The following DNAH14 variants were observed in gnomAD, a reference collection of about 807,000 sequenced individuals.
DNAH14 encodes dynein axonemal heavy chain 14, also known as axonemal beta dynein heavy chain 14.
In DNAH14, 478 loss-of-function variants were observed where a neutral mutation model predicts 520.9. The observed-to-expected ratio is 0.92, with a 90% CI of 0.85 to 0.99. The LOEUF is 0.99. DNAH14 is among the 50% of genes least tolerant of loss of function. DNAH14 has a pLI of 0.00. For missense variants in DNAH14, 4,831 were observed against 5,234.5 expected (o/e 0.92, Z 2.38); for synonymous variants, 1,581 against 1,757.2 (o/e 0.90, Z 2.51).
At chr1:225,287,796 G>A (rs939177169) in intron 54 of DNAH14, among the ~76,000 whole-genome samples, 2 of 152,094 alleles carry the variant, frequency 1.3e-5, no homozygotes, top group African/African-American at 2.4e-5. Context: ...GAATCCTGTA[G>A]TGCTACAAGT....
chr1:225,084,712 C>T (rs1050195760), intron 20 of DNAH14, among the ~76,000 whole-genome samples: 1 of 149,246 alleles, frequency 6.7e-6, no homozygotes, highest in Non-Finnish European at 1.5e-5. Flanking sequence ...CAGCTGAAAC[C>T]ACCCAGCTAT....
chr1:225,079,140 AAG>A (rs1337992346), intron 17 of DNAH14, 65 bp from the exon 18 acceptor site: 8 of 1,349,786 alleles, frequency 5.9e-6, no homozygotes, highest in South Asian at 1.4e-5. Flanking sequence ...AGAAATTAAA[AAG>A]AGTAATTAGT....
At chr1:225,280,545 G>C (rs1325028845) in intron 54 of DNAH14, among the ~76,000 whole-genome samples, 1 of 151,862 alleles carries the variant, frequency 6.6e-6, no homozygotes, top group Admixed American at 6.6e-5. Context: ...CTTGCAGTGA[G>C]CCGAGATAGC....
At chr1:225,217,994 G>A (rs968291055) in intron 41 of DNAH14, among the ~76,000 whole-genome samples, 2 of 152,098 alleles carry the variant, frequency 1.3e-5, no homozygotes, top group African/African-American at 4.8e-5. Context: ...GACTATAGCT[G>A]TTCCTATTTG....
chr1:225,128,412 C>A (rs1412064336), intron 27 of DNAH14, among the ~76,000 whole-genome samples: 23 of 152,126 alleles, frequency 1.5e-4, no homozygotes, highest in Admixed American at 1.5e-3. Context: ...ATGCAAAAAT[C>A]CTCAATAAAA....
rs1360609712 is a variant in DNAH14, at chr1:225,392,427, C to T, written c.13467C>T (p.Leu4489=). The T allele has an allele frequency of 6.4e-7, 1 of 1,551,864 alleles. No homozygotes were observed. Among genetic ancestry groups the T allele is most frequent in the South Asian group, 1.2e-5 (1 of 84,062 alleles). The change falls in exon 84 of 86, where the codon CTC becomes CTT. Residue 4489 remains leucine (L), a synonymous_variant. Transcript: ENST00000682510. ...EKFSVFMPKK[L]NIVRRAFKGS... ...TCTCCGTATTTATGCCAAAGAAACT[C>T]AACATAGTCAGGAGAGCGTTTAAGG...
chr1:225,351,812 A>G lies in DNAH14; in HGVS notation c.11462A>G (p.Tyr3821Cys). ...ACTTTTAAGAACAGTAAAGCAGTTT[A>G]TTCTCTGATCAGCACACCTTTCTCT... is the stretch of plus-strand genomic sequence containing the variant. ...WDTFKNSKAV[Y>C]SLISTPFSSE... is the part of the protein sequence containing the mutation. The change falls in exon 72 of 86, where the codon TAT (tyrosine) becomes TGT (cysteine). Residue 3821 changes from tyrosine to cysteine, a missense_variant. By Grantham distance (194) the Tyr-to-Cys change is radical. Transcript: ENST00000682510. The G allele has an allele frequency of 6.4e-7, 1 of 1,551,380 alleles. No individual in the cohort carries two copies. The highest frequency in any genetic ancestry group is 2.0e-5 in the Admixed American group (1 of 50,982).
chr1:225,300,985 T>C lies in DNAH14; in HGVS notation c.8586T>C (p.Ser2862=). ...AMKIRYLTEQ[S]GHMDNRQSLL... is the part of the protein sequence containing the mutation. ...AAATCAGATATCTTACTGAACAATC[T>C]GGTCATATGGATAATAGGCAATCTT... Residue 2862 remains serine, a synonymous_variant, in exon 56 of 86, where the codon TCT becomes TCC. Transcript: ENST00000682510. 1.3e-6 allele frequency: 2 copies of C among 1,551,012 alleles called. No homozygotes were observed. The highest frequency in any genetic ancestry group is 2.4e-5 in the South Asian group (2 of 83,818).
At chr1:224,979,850 C>G (rs970973218) in intron 8 of DNAH14, among the ~76,000 whole-genome samples, 11 of 152,152 alleles carry the variant, frequency 7.2e-5, no homozygotes, top group South Asian at 2.1e-4. Flanking sequence ...GGTCTCCATT[C>G]CAGGTCCTAG....
At chr1:225,114,279 A>G (rs971940478) in intron 23 of DNAH14, among the ~76,000 whole-genome samples, 9 of 152,144 alleles carry the variant, frequency 5.9e-5, no homozygotes, top group Admixed American at 2.0e-4. Flanking sequence ...TAGAAATGTC[A>G]TACAAGATCT....
chr1:225,034,149 G>A (rs192169569), intron 11 of DNAH14, among the ~76,000 whole-genome samples: 1 of 152,238 alleles, frequency 6.6e-6, no homozygotes, highest in African/African-American at 2.4e-5. Flanking sequence ...TGTTTTTCAA[G>A]GGGGATGCTT....
At position 225,141,036 on chromosome 1, in the gene DNAH14, A is replaced by T. The variant is rs1324354828; in HGVS notation, c.4508+15A>T. ...GAGTGGACAAGGTAGGTGGATCTAA[A>T]TTATAACTACATACAATAACTTCTC... On this transcript the variant is annotated intron_variant, in intron 28 of 85. Coordinates refer to ENST00000682510, the MANE Select transcript of DNAH14 (RefSeq NM_001367479.1). The T allele has an allele frequency of 1.3e-6, 2 of 1,522,442 alleles. No homozygotes were observed. Among genetic ancestry groups the T allele is most frequent in the African/African-American group, 2.8e-5 (2 of 72,196 alleles). 94.3% of individuals were successfully genotyped at this position (1,522,442 alleles called of 1,614,324 possible). A position where few individuals can be genotyped will look rare whatever the true frequency, so the allele number is the denominator to read the frequency against.
intron 38 of DNAH14, among the ~76,000 whole-genome samples, chr1:225,199,207 G>A (rs1184441895): frequency 2.0e-5 from 3 of 152,030 alleles, no homozygotes; most frequent in Admixed American, 2.0e-4. Context: ...TTCATTTCCA[G>A]TTGAGCTTAT....
intron 11 of DNAH14, among the ~76,000 whole-genome samples, chr1:225,031,074 A>C (rs75691563): frequency 0.053 from 7,995 of 152,102 alleles, 322 homozygotes; most frequent in Non-Finnish European, 0.077. Context: ...TGTAGAACTC[A>C]GTGTGCAAAT....
Position 225,152,710 on chromosome 1 carries a change from G to A in DNAH14, c.5023G>A (p.Val1675Ile). Residue 1675 changes from valine to isoleucine, a missense_variant, in exon 33 of 86, where the codon GTA becomes ATA. Transcript: ENST00000682510. ...ITMNPRYGGG[V>I]ELPDNLKSLF... Reference sequence around the variant, plus strand: ...TTTCCTCTTCAGATACGGAGGTGGAGTAGAGCTCCCAGATAACTTAAAATC... The same window carrying A: ...TTTCCTCTTCAGATACGGAGGTGGAATAGAGCTCCCAGATAACTTAAAATC... The A allele has an allele frequency of 6.5e-7, 1 of 1,548,736 alleles. No homozygotes were observed. Among genetic ancestry groups the A allele is most frequent in the Non-Finnish European group, 8.7e-7 (1 of 1,145,782 alleles).
intron 10 of DNAH14, among the ~76,000 whole-genome samples, chr1:225,014,418 G>GT (rs34738305): frequency 9.4e-5 from 14 of 148,768 alleles, no homozygotes; most frequent in African/African-American, 3.5e-4. Flanking sequence ...TTCCTCACTA[G>GT]TTTTTTTTTT....
chr1:225,318,968 T>C (rs1302926080), intron 61 of DNAH14, among the ~76,000 whole-genome samples: 1 of 152,234 alleles, frequency 6.6e-6, no homozygotes, highest in Non-Finnish European at 1.5e-5. Flanking sequence ...TGTTATAAAC[T>C]GAATCTCAGT....
chr1:225,208,519 A>G (rs2149437423), intron 41 of DNAH14, among the ~76,000 whole-genome samples: 1 of 152,262 alleles, frequency 6.6e-6, no homozygotes, highest in East Asian at 1.9e-4. Context: ...AAATATGTGT[A>G]TATAGTTGAA....
Position 225,353,977 on chromosome 1 carries a change from A to T in DNAH14, c.11619+89A>T, listed in dbSNP as rs753528875. 8 of 780,444 alleles carry T rather than the reference A, an allele frequency of 1.0e-5. No individual in the cohort carries two copies. In the East Asian group the frequency reaches 2.1e-4, roughly 21 times the overall value. 48.3% of individuals were successfully genotyped at this position (780,444 alleles called of 1,614,324 possible). The stretch of plus-strand genomic sequence containing the variant: ...AACCCTTCAAAATTAAAATTTTACA[A>T]GCAAAGTGTATTTTTAAAGTACATT... On this transcript the variant is annotated intron_variant, in intron 73 of 85. Transcript: ENST00000682510.
Sources: gnomAD v4.1 joint callset for allele counts (sites outside exome capture counted in the v4.1 genomes callset) on GRCh38, gnomAD v4.1.1 for gene constraint, MANE v1.5 for transcripts, NCBI Gene and HGNC (gene_info 2026-07-23, HGNC 2026-07-21) for gene names.